Variants in SWAP70 observed in about 807,000 individuals in gnomAD.
SWAP70 encodes switch-associated protein 70.
Under a neutral mutation model 80.2 loss-of-function variants are expected in SWAP70, and 34 were observed. That is an observed-to-expected ratio of 0.42 (90% CI 0.32 to 0.56). SWAP70 has a LOEUF of 0.56. SWAP70 is among the 20% of genes least tolerant of loss of function. The probability of loss-of-function intolerance (pLI) is 0.09; values close to 1 mark genes in which losing one functional copy is unlikely to be tolerated. For synonymous variants in SWAP70, 239 were observed against 238.5 expected, an observed-to-expected ratio of 1.00 and a Z score of -0.02; for missense variants, 578 against 690.7, an observed-to-expected ratio of 0.84 and a Z score of 1.83.
intron 9 of SWAP70, among the ~76,000 whole-genome samples, chr11:9,746,356 C>T (rs1402829493): frequency 6.6e-6 from 1 of 152,186 alleles, no homozygotes; most frequent in Non-Finnish European, 1.5e-5. Flanking sequence ...CATTCCCCCT[C>T]CATACTTTTA....
chr11:9,730,498 C>T (rs1048912318), intron 6 of SWAP70, among the ~76,000 whole-genome samples: 3 of 152,136 alleles, frequency 2.0e-5, no homozygotes, highest in African/African-American at 7.2e-5. Flanking sequence ...TATGCACACA[C>T]TACAACTGTT....
chr11:9,742,884 CTTTTT>C (rs56710904), intron 9 of SWAP70, among the ~76,000 whole-genome samples: 11,197 of 140,928 alleles, frequency 0.079, 1,037 homozygotes, highest in East Asian at 0.29. Context: ...CTTCTCACTC[CTTTTT>C]TTTTTTTTTT....
intron 1 of SWAP70, among the ~76,000 whole-genome samples, chr11:9,686,597 C>G (rs1850636136): frequency 6.6e-6 from 1 of 152,008 alleles, no homozygotes; most frequent in Admixed American, 6.6e-5. Flanking sequence ...GATCCTCCTC[C>G]CTTGGCCTCC....
At chr11:9,670,614 A>G (rs1324756741) in intron 1 of SWAP70, among the ~76,000 whole-genome samples, 1 of 152,092 alleles carries the variant, frequency 6.6e-6, no homozygotes, top group African/African-American at 2.4e-5. Flanking sequence ...GTAGATGATG[A>G]GAGGAACAAG....
At chr11:9,723,293 A>G (rs1851163544) in intron 3 of SWAP70, among the ~76,000 whole-genome samples, 1 of 152,180 alleles carries the variant, frequency 6.6e-6, no homozygotes, top group Admixed American at 6.6e-5. Context: ...ACCCATAGGA[A>G]GATAAACATT....
chr11:9,702,610 G>A lies in SWAP70; in HGVS notation c.240+8324G>A, dbSNP rs139051070. On this transcript the variant is annotated intron_variant, in intron 2 of 11. Transcript: ENST00000318950. ...GGCTAATTTTTAACTTTTTTTTGCA[G>A]AGGTCTCACTATGTTGTCCAGGCTG... Among the ~76,000 whole-genome samples the A allele has an allele frequency of 4.1e-4, 63 of 151,898 alleles. 1 individual carries two copies. The East Asian group carries it at 0.011, about 27-fold the overall frequency.
chr11:9,678,479 GT>G (rs57320807), intron 1 of SWAP70, among the ~76,000 whole-genome samples: 20,458 of 82,026 alleles, frequency 0.25, 1,731 homozygotes, highest in Middle Eastern at 0.48. Flanking sequence ...ACATTTTTAT[GT>G]TTTTTTTTTT....
At chr11:9,705,418 TTGGTGATCTGTATACAC>T (rs1565121210) in intron 2 of SWAP70, among the ~76,000 whole-genome samples, 5 of 141,130 alleles carry the variant, frequency 3.5e-5, no homozygotes, top group Admixed American at 2.1e-4. Flanking sequence ...CTGTGTACAC[TTGGTGATCTGTATACAC>T]TGGTGATCTG....
chr11:9,682,396 A>G (rs1326926427), intron 1 of SWAP70, among the ~76,000 whole-genome samples: 1 of 152,240 alleles, frequency 6.6e-6, no homozygotes, highest in Non-Finnish European at 1.5e-5. Flanking sequence ...TGGCAAACCT[A>G]TTTTGGGGAG....
At chr11:9,672,226 T>TATATA (rs1419466621) in intron 1 of SWAP70, among the ~76,000 whole-genome samples, 1 of 137,508 alleles carries the variant, frequency 7.3e-6, no homozygotes, top group Admixed American at 7.9e-5. Context: ...TATATATATA[T>TATATA]ATGATTGTAA....
In SWAP70 at chr11:9,697,068, TA is replaced by T. The variant is rs554271935; in HGVS notation, c.240+2789del. Among the ~76,000 whole-genome samples the T allele has an allele frequency of 5.9e-5, 9 of 152,052 alleles. No individual in the cohort carries two copies. In the South Asian group the frequency reaches 1.5e-3, roughly 25 times the overall value. ...CTCAAAAAATATATAAATAAAACATTAAAAAAATTTTAAAAACTCAATTTTT... is the reference window on the plus strand; with the variant it reads ...CTCAAAAAATATATAAATAAAACATTAAAAAATTTTAAAAACTCAATTTTT... On this transcript the variant is annotated intron_variant, in intron 2 of 11. Transcript: ENST00000318950.
chr11:9,686,344 C>CTTAT (rs139472434), intron 1 of SWAP70, among the ~76,000 whole-genome samples: 26,541 of 143,722 alleles, frequency 0.18, 2,810 homozygotes, highest in Non-Finnish European at 0.23. Context: ...CTTTTATTTT[C>CTTAT]TTATTTATTT....
At chr11:9,669,488 C>G (rs1850347972) in intron 1 of SWAP70, among the ~76,000 whole-genome samples, 2 of 152,156 alleles carry the variant, frequency 1.3e-5, no homozygotes, top group Non-Finnish European at 2.9e-5. Flanking sequence ...CCTCGGTCAC[C>G]CAAAGTGCTG....
chr11:9,664,378 G>C, intron 1 of SWAP70, 100 bp downstream of exon 1: 1 of 1,360,128 alleles, frequency 7.4e-7, no homozygotes, highest in Non-Finnish European at 1.0e-6. Context: ...ACCGCAGGGC[G>C]GGGCGGGTCG....
intron 2 of SWAP70, among the ~76,000 whole-genome samples, chr11:9,699,026 C>T (rs371216717): frequency 5.3e-5 from 8 of 152,052 alleles, no homozygotes; most frequent in African/African-American, 1.9e-4. Context: ...GGAAGAAAAA[C>T]CACATGATAA....
intron 6 of SWAP70, 128 bp downstream of exon 6, chr11:9,729,579 A>G (rs1177170010): frequency 5.9e-6 from 4 of 680,728 alleles, no homozygotes; most frequent in Admixed American, 2.9e-5. Context: ...GCTTACTGCA[A>G]CCTCCACCTC....
chr11:9,667,496 G>C (rs141744792), intron 1 of SWAP70, among the ~76,000 whole-genome samples: 1 of 152,008 alleles, frequency 6.6e-6, no homozygotes, highest in African/African-American at 2.4e-5. Context: ...AAAGACATCC[G>C]CCCGCCTTGG....
intron 1 of SWAP70, among the ~76,000 whole-genome samples, chr11:9,678,479 G>GTTT (rs57320807): frequency 2.4e-5 from 2 of 82,138 alleles, no homozygotes; most frequent in African/African-American, 9.5e-5. Flanking sequence ...ACATTTTTAT[G>GTTT]TTTTTTTTTT....
chr11:9,690,913 A>G (rs1850690462), intron 1 of SWAP70, among the ~76,000 whole-genome samples: 1 of 151,854 alleles, frequency 6.6e-6, no homozygotes, highest in Non-Finnish European at 1.5e-5. Context: ...TAATTAATTA[A>G]TTAATTTTTG....
Sources: gnomAD v4.1 joint callset for allele counts (sites outside exome capture counted in the v4.1 genomes callset) on GRCh38, gnomAD v4.1.1 for gene constraint, MANE v1.5 for transcripts, NCBI Gene and HGNC (gene_info 2026-07-23, HGNC 2026-07-21) for gene names.